Variants in GARRE1 observed in about 807,000 individuals in gnomAD.
GARRE1 encodes the protein granule associated Rac and RHOG effector protein 1.
Under a neutral mutation model 103.2 loss-of-function variants are expected in GARRE1, and 49 were observed. That is an observed-to-expected ratio of 0.47 (90% CI 0.38 to 0.60). GARRE1 has a LOEUF of 0.60. Ranked by LOEUF, GARRE1 falls within the 20% of genes least tolerant of loss-of-function variation. GARRE1 has a pLI of 0.00. For synonymous variants in GARRE1, 505 were observed against 532.8 expected, an observed-to-expected ratio of 0.95 and a Z score of 0.72; for missense variants, 1,199 against 1,370.5, an observed-to-expected ratio of 0.87 and a Z score of 1.98.
Position 34,328,150 on chromosome 19 carries a change from C to T in GARRE1, c.1103C>T (p.Thr368Met), listed in dbSNP as rs148991320. ...ESAADNLKLK[T>M]HTMLQLMKEA... is the part of the protein sequence containing the mutation. ...GCCGCCGACAATCTGAAACTTAAGA[C>T]GGTAGCTTTCCATGGGGTTCCAGCA... Residue 368 changes from threonine to methionine, a missense_variant and splice_region_variant, in exon 6 of 14, where the codon ACG becomes ATG. Physicochemically the swap from Thr to Met is moderately conservative, Grantham distance 81 (BLOSUM62 -1). Transcript: ENST00000299505. 2.0e-5 allele frequency: 33 copies of T among 1,613,280 alleles called. No individual in the cohort carries two copies. Among genetic ancestry groups the T allele is most frequent in the South Asian group, 2.0e-4 (18 of 91,062 alleles).
intron 12 of GARRE1, among the ~76,000 whole-genome samples, chr19:34,351,213 AT>A (rs752624281): frequency 0.035 from 5,123 of 147,718 alleles, 84 homozygotes; most frequent in Non-Finnish European, 0.049. Context: ...AAAAAAAAAA[AT>A]AAAATAATAA....
intron 8 of GARRE1, among the ~76,000 whole-genome samples, chr19:34,335,586 C>T (rs1349661688): frequency 2.6e-5 from 4 of 152,104 alleles, no homozygotes; most frequent in African/African-American, 7.2e-5. Flanking sequence ...AGTGCAGTGG[C>T]GCAATCTCGG....
chr19:34,290,874 C>CTTTTTTTTTT (rs71165641), intron 1 of GARRE1, among the ~76,000 whole-genome samples: 1 of 63,214 alleles, frequency 1.6e-5, no homozygotes, highest in Non-Finnish European at 2.8e-5. Flanking sequence ...AAGCATATTG[C>CTTTTTTTTTT]TTTTTTTTTT....
chr19:34,270,156 A>G (rs1482811525), intron 1 of GARRE1, among the ~76,000 whole-genome samples: 1 of 152,250 alleles, frequency 6.6e-6, no homozygotes, highest in Non-Finnish European at 1.5e-5. Context: ...TTGCACAGGA[A>G]ATGAGGCGGC....
chr19:34,336,309 G>A (rs891152462), intron 8 of GARRE1, among the ~76,000 whole-genome samples: 1 of 151,384 alleles, frequency 6.6e-6, no homozygotes, highest in African/African-American at 2.4e-5. Flanking sequence ...TAAGTTAATT[G>A]TAGGGTGGCA....
chr19:34,353,377 TCCA>T lies in GARRE1; in HGVS notation c.*424_*426del, dbSNP rs1453656235. 1.0e-5 allele frequency: 2 copies of T among 195,588 alleles called. No homozygotes were observed. The highest frequency in any genetic ancestry group is 2.4e-4 in the East Asian group (2 of 8,320). 12.1% of individuals were successfully genotyped at this position (195,588 alleles called of 1,614,324 possible). On this transcript the variant is annotated 3_prime_UTR_variant, in exon 14 of 14. Transcript: ENST00000299505. ...TTTTTGGAAACCCTCTCCTCCCTCC[TCCA>T]CACCTTGAGTGATGACCACACCAAT... is the stretch of plus-strand genomic sequence containing the variant.
Position 34,347,954 on chromosome 19 carries a change from G to C in GARRE1, c.2599G>C (p.Gly867Arg). ...AMQQKRQAQH[G>R]RRPGNPRGNW... ...GCAGCAGAAGCGGCAGGCCCAGCAC[G>C]GTCGCCGGCCAGGCAACCCCCGGGG... The change falls in exon 11 of 14, where the codon GGT (glycine) becomes CGT (arginine). Residue 867 changes from glycine to arginine, a missense_variant. Physicochemically the swap from Gly to Arg is moderately radical, Grantham distance 125 (BLOSUM62 -2). Coordinates refer to ENST00000299505, the MANE Select transcript of GARRE1 (RefSeq NM_014686.5). The C allele has an allele frequency of 6.3e-7, 1 of 1,589,082 alleles. No homozygotes were observed. Among genetic ancestry groups the C allele is most frequent in the East Asian group, 2.3e-5 (1 of 42,842 alleles).
chr19:34,268,627 T>A (rs1446056380), intron 1 of GARRE1, among the ~76,000 whole-genome samples: 2 of 151,884 alleles, frequency 1.3e-5, no homozygotes, highest in Non-Finnish European at 2.9e-5. Flanking sequence ...CAAGTAATAC[T>A]GGATTTTTTT....
intron 9 of GARRE1, 89 bp downstream of exon 9, chr19:34,340,081 C>T (rs976526753): frequency 1.0e-4 from 145 of 1,399,696 alleles, no homozygotes; most frequent in Non-Finnish European, 1.3e-4. Context: ...TGATAGTATA[C>T]GGTATTGTAA....
chr19:34,290,467 T>C (rs2073911455), intron 1 of GARRE1, among the ~76,000 whole-genome samples: 1 of 152,142 alleles, frequency 6.6e-6, no homozygotes, highest in African/African-American at 2.4e-5. Flanking sequence ...AGCCTGCAGT[T>C]TGGCAAAATC....
chr19:34,321,223 ATT>A (rs71165648), intron 3 of GARRE1, among the ~76,000 whole-genome samples: 6 of 77,374 alleles, frequency 7.8e-5, no homozygotes, highest in African/African-American at 1.2e-4. Context: ...AGCCCGGCTA[ATT>A]TTTTTTTTTT....
At chr19:34,330,054 C>A in intron 6 of GARRE1, 135 bp from the exon 7 acceptor site, 1 of 792,358 alleles carries the variant, frequency 1.3e-6, no homozygotes, top group Non-Finnish European at 2.0e-6. Flanking sequence ...CACCGGACTG[C>A]AGCTTGGACG....
At chr19:34,324,977 A>G (rs944273318) in intron 3 of GARRE1, among the ~76,000 whole-genome samples, 4 of 152,218 alleles carry the variant, frequency 2.6e-5, no homozygotes, top group African/African-American at 9.6e-5. Flanking sequence ...CTCCTATACA[A>G]GAACATGCCT....
chr19:34,274,029 C>T (rs1239953300), intron 1 of GARRE1, among the ~76,000 whole-genome samples: 2 of 151,860 alleles, frequency 1.3e-5, no homozygotes, highest in African/African-American at 4.8e-5. Context: ...CAGGAGGCGC[C>T]TCCATAATTC....
Position 34,353,658 on chromosome 19 carries a change from TG to T in GARRE1, c.*704del, listed in dbSNP as rs2074253435. ...GGACTGCGGCCTTTCCCAGCTTTAT[TG>T]AAGCAGAATGGTGGAACTTGTGCCG... On this transcript the variant is annotated 3_prime_UTR_variant, in exon 14 of 14. Coordinates refer to ENST00000299505, the MANE Select transcript of GARRE1 (RefSeq NM_014686.5). 2 of 152,132 alleles carry T rather than the reference TG, an allele frequency of 1.3e-5. No homozygotes were observed. 9.4% of individuals were successfully genotyped at this position (152,132 alleles called of 1,614,324 possible). A position where few individuals can be genotyped will look rare whatever the true frequency, so the allele number is the denominator to read the frequency against.
At chr19:34,258,252 C>A (rs917677370) in intron 1 of GARRE1, among the ~76,000 whole-genome samples, 3 of 152,138 alleles carry the variant, frequency 2.0e-5, no homozygotes, top group African/African-American at 7.2e-5. Flanking sequence ...TGCTTCTCTT[C>A]ATACATCTAC....
intron 12 of GARRE1, among the ~76,000 whole-genome samples, chr19:34,350,390 T>C (rs1324622642): frequency 2.0e-5 from 3 of 152,224 alleles, no homozygotes; most frequent in East Asian, 3.8e-4. Context: ...TTCAGACATA[T>C]GACTGATTCG....
chr19:34,292,679 A>G (rs933306079), intron 1 of GARRE1, among the ~76,000 whole-genome samples: 9 of 151,956 alleles, frequency 5.9e-5, no homozygotes, highest in African/African-American at 1.7e-4. Flanking sequence ...GGTTCAACCA[A>G]TTCTCCTGCC....
intron 1 of GARRE1, among the ~76,000 whole-genome samples, chr19:34,294,256 CA>C (rs550473592): frequency 0.035 from 3,821 of 110,534 alleles, 45 homozygotes; most frequent in African/African-American, 0.052. Flanking sequence ...CCTGTCTCTA[CA>C]AAAAAAAAAA....
Sources: gnomAD v4.1 joint callset for allele counts (sites outside exome capture counted in the v4.1 genomes callset) on GRCh38, gnomAD v4.1.1 for gene constraint, MANE v1.5 for transcripts, NCBI Gene and HGNC (gene_info 2026-07-23, HGNC 2026-07-21) for gene names.